MEGF9: variants seen among roughly 807,000 people sequenced by gnomAD.
MEGF9 encodes the protein multiple EGF like domains 9, also known as multiple epidermal growth factor-like domains protein 9.
A neutral mutation model predicts 46.8 loss-of-function variants in MEGF9; 6 were observed. The ratio of observed to expected loss-of-function variants is 0.13; its 90% CI spans 0.07 to 0.25. MEGF9 has a LOEUF of 0.25. MEGF9 is among the 10% of genes least tolerant of loss of function. The pLI, the probability that MEGF9 is intolerant of heterozygous loss-of-function variation, is 1.00. For synonymous variants in MEGF9, 302 were observed against 330.7 expected, an observed-to-expected ratio of 0.91 and a Z score of 0.94; for missense variants, 683 against 792.4, an observed-to-expected ratio of 0.86 and a Z score of 1.66.
chr9:120,659,333 C>G, intron 2 of MEGF9, 41 bp downstream of exon 2: 1 of 1,562,816 alleles, frequency 6.4e-7, no homozygotes, highest in Non-Finnish European at 8.7e-7. Context: ...TTTCCCCTTG[C>G]TAAAATAAAA....
chr9:120,691,549 G>C (rs555829842), intron 1 of MEGF9: 1 of 306,746 alleles, frequency 3.3e-6, no homozygotes, highest in African/African-American at 2.3e-5. Flanking sequence ...AATAAAGTTG[G>C]ATAGTTTAAA....
intron 3 of MEGF9, among the ~76,000 whole-genome samples, chr9:120,613,873 T>G (rs1157568832): frequency 6.6e-6 from 1 of 152,198 alleles, no homozygotes; most frequent in Non-Finnish European, 1.5e-5. Flanking sequence ...CGTAAAAGTC[T>G]TGATTTCTTT....
At position 120,601,705 on chromosome 9, in the gene MEGF9, TTAGTTTTCAAATG is replaced by T. The variant is rs1237305467; in HGVS notation, c.*3472_*3484del. The T allele has an allele frequency of 1.3e-5, 2 of 152,154 alleles. No individual in the cohort carries two copies. Among genetic ancestry groups the T allele is most frequent in the African/African-American group, 4.8e-5 (2 of 41,426 alleles). 9.4% of individuals were successfully genotyped at this position (152,154 alleles called of 1,614,324 possible). A position where few individuals can be genotyped will look rare whatever the true frequency, so the allele number is the denominator to read the frequency against. ...ACCTTAGTATTAATATAAATGAGCT[TTAGTTTTCAAATG>T]TCATTTTTTTCTCTATAACTGGAGA... On this transcript the variant is annotated 3_prime_UTR_variant, in exon 6 of 6. Coordinates refer to ENST00000373930, the MANE Select transcript of MEGF9 (RefSeq NM_001080497.3).
At chr9:120,632,737 T>C (rs1395513227) in intron 2 of MEGF9, among the ~76,000 whole-genome samples, 1 of 152,198 alleles carries the variant, frequency 6.6e-6, no homozygotes, top group African/African-American at 2.4e-5. Flanking sequence ...TGGTTTGTCA[T>C]ATTGGCCTTT....
intron 3 of MEGF9, among the ~76,000 whole-genome samples, chr9:120,617,663 T>C (rs1215340130): frequency 1.3e-5 from 2 of 152,222 alleles, no homozygotes; most frequent in Non-Finnish European, 2.9e-5. Context: ...AAGATTGCTC[T>C]GGTTGTTATG....
intron 1 of MEGF9, among the ~76,000 whole-genome samples, chr9:120,700,864 T>G (rs2043901382): frequency 6.6e-6 from 1 of 152,052 alleles, no homozygotes; most frequent in South Asian, 2.1e-4. Context: ...GCAGATGGCT[T>G]GAGCCCAGGA....
intron 2 of MEGF9, among the ~76,000 whole-genome samples, chr9:120,657,553 A>G (rs191748546): frequency 1.3e-5 from 2 of 152,356 alleles, no homozygotes; most frequent in African/African-American, 4.8e-5. Context: ...TGTTTGCAGA[A>G]TATTATTCCA....
intron 1 of MEGF9, among the ~76,000 whole-genome samples, chr9:120,662,582 C>T (rs775221576): frequency 2.0e-5 from 3 of 152,214 alleles, no homozygotes; most frequent in Non-Finnish European, 4.4e-5. Flanking sequence ...TTAAGCTCTG[C>T]GTGCCTTTAT....
At chr9:120,628,484 T>G (rs1257096044) in intron 2 of MEGF9, among the ~76,000 whole-genome samples, 1 of 144,114 alleles carries the variant, frequency 6.9e-6, no homozygotes, top group Non-Finnish European at 1.5e-5. Context: ...TTTTTTTTTT[T>G]TTTTTTTTTT....
rs2043398044 is a variant in MEGF9 at position 120,601,922 on chromosome 9, C to G, written c.*3268G>C. ...CGCTTAATGGCAGTATCTGTAATTT[C>G]CAAATAAGATTCACATCAGTGCTAT... On this transcript the variant is annotated 3_prime_UTR_variant, in exon 6 of 6. Transcript: ENST00000373930. 1.3e-5 allele frequency: 2 copies of G among 152,156 alleles called. No individual in the cohort carries two copies. 9.4% of individuals were successfully genotyped at this position (152,156 alleles called of 1,614,324 possible).
chr9:120,611,137 T>C (rs1194975274), intron 4 of MEGF9, among the ~76,000 whole-genome samples: 1 of 152,120 alleles, frequency 6.6e-6, no homozygotes, highest in East Asian at 1.9e-4. Flanking sequence ...CATACAGGGT[T>C]GGTGAGAATG....
At chr9:120,632,733 G>A (rs1177187460) in intron 2 of MEGF9, among the ~76,000 whole-genome samples, 1 of 152,094 alleles carries the variant, frequency 6.6e-6, no homozygotes, top group Non-Finnish European at 1.5e-5. Flanking sequence ...CTGTTGGTTT[G>A]TCATATTGGC....
intron 1 of MEGF9, among the ~76,000 whole-genome samples, chr9:120,667,734 C>A (rs1015993739): frequency 2.0e-5 from 3 of 152,014 alleles, no homozygotes; most frequent in Non-Finnish European, 4.4e-5. Flanking sequence ...TTTAAAAAAA[C>A]CAACAAACTG....
chr9:120,620,854 G>GAA (rs5900455), intron 3 of MEGF9, among the ~76,000 whole-genome samples: 2,179 of 149,980 alleles, frequency 0.015, 20 homozygotes, highest in African/African-American at 0.019. Context: ...TCGCATAAAA[G>GAA]AAAAAAAAAA....
chr9:120,601,656 A>C lies in MEGF9; in HGVS notation c.*3534T>G, dbSNP rs1408601350. The C allele has an allele frequency of 1.3e-5, 2 of 152,226 alleles. No individual in the cohort carries two copies. The highest frequency in any genetic ancestry group is 4.8e-5 in the African/African-American group (2 of 41,456). 9.4% of individuals were successfully genotyped at this position (152,226 alleles called of 1,614,324 possible). A position where few individuals can be genotyped will look rare whatever the true frequency, so the allele number is the denominator to read the frequency against. On this transcript the variant is annotated 3_prime_UTR_variant, in exon 6 of 6. Transcript: ENST00000373930. ...TCTTAAAATCTAGGTATCACTGGGAAGAGTAACGCACTAGGCCCACAGGAC... is the reference window on the plus strand; with the variant it reads ...TCTTAAAATCTAGGTATCACTGGGACGAGTAACGCACTAGGCCCACAGGAC...
chr9:120,667,167 T>C (rs1356797407), intron 1 of MEGF9, among the ~76,000 whole-genome samples: 1 of 152,196 alleles, frequency 6.6e-6, no homozygotes, highest in Non-Finnish European at 1.5e-5. Context: ...CACAAGCAAC[T>C]ATTTCAACTG....
intron 1 of MEGF9, among the ~76,000 whole-genome samples, chr9:120,669,377 A>C (rs2043738929): frequency 6.6e-6 from 1 of 152,204 alleles, no homozygotes; most frequent in Non-Finnish European, 1.5e-5. Flanking sequence ...TGGTCAATTT[A>C]AAAGACAAAG....
chr9:120,633,562 T>C (rs2043559613), intron 2 of MEGF9, among the ~76,000 whole-genome samples: 2 of 152,098 alleles, frequency 1.3e-5, no homozygotes, highest in South Asian at 4.1e-4. Context: ...TTTAGCTGAT[T>C]TCTTGTATTG....
rs2043413441 is a variant in MEGF9 at position 120,604,856 on chromosome 9, C to A, written c.*334G>T. On this transcript the variant is annotated 3_prime_UTR_variant, in exon 6 of 6. Coordinates refer to ENST00000373930, the MANE Select transcript of MEGF9 (RefSeq NM_001080497.3). ...CCCCTCCACATTCATCATCTTGTTACCACTGGCTTGGTGAATGCTTCCCCA... is the reference window on the plus strand; with the variant it reads ...CCCCTCCACATTCATCATCTTGTTAACACTGGCTTGGTGAATGCTTCCCCA... The A allele has an allele frequency of 7.8e-6, 2 of 257,140 alleles. No individual in the cohort carries two copies. Among genetic ancestry groups the A allele is most frequent in the Non-Finnish European group, 1.5e-5 (2 of 134,166 alleles). The allele number at this position is 257,140 out of a possible 1,614,324, so 15.9% of individuals were successfully genotyped here. A position where few individuals can be genotyped will look rare whatever the true frequency, so the allele number is the denominator to read the frequency against.
Sources: allele counts gnomAD v4.1 joint callset (sites outside exome capture counted in the v4.1 genomes callset), GRCh38; gene constraint gnomAD v4.1.1; transcripts MANE v1.5; gene names NCBI Gene and HGNC (gene_info 2026-07-23, HGNC 2026-07-21).